Variants in PTP4A1 observed in about 807,000 individuals in gnomAD.
The protein encoded by PTP4A1 is protein tyrosine phosphatase 4A1.
In PTP4A1, 9 loss-of-function variants were observed where a neutral mutation model predicts 20.5. The observed-to-expected ratio is 0.44, with a 90% CI of 0.26 to 0.77. The LOEUF is 0.77. PTP4A1 is among the 30% of genes least tolerant of loss of function. PTP4A1 has a pLI of 0.19. For missense variants in PTP4A1, 137 were observed against 218.8 expected (o/e 0.63, Z 2.36); for synonymous variants, 78 against 67.4 (o/e 1.16, Z -0.77).
upstream of PTP4A1, among the ~76,000 whole-genome samples, chr6:63,569,308 T>C (rs1483185921): frequency 6.6e-6 from 1 of 152,204 alleles, no homozygotes; most frequent in Non-Finnish European, 1.5e-5. Flanking sequence ...CAGGCTAGAG[T>C]GCAGTGCCAT....
At chr6:63,568,450 G>C (rs1777279941), upstream of PTP4A1, among the ~76,000 whole-genome samples, 2 of 152,172 alleles carry the variant, frequency 1.3e-5, no homozygotes, top group South Asian at 4.1e-4. Context: ...AATGGGTACA[G>C]TTTGTGGTGG....
At position 63,582,539 on chromosome 6, in the gene PTP4A1, A is replaced by C. The variant is rs1778303956; in HGVS notation, c.*2365A>C. ...AATACATCTTAGATTCCTTATATCT[A>C]ATAAGAGTTCAAAGAGTTATGAGTT... On this transcript the variant is annotated 3_prime_UTR_variant, in exon 6 of 6. Coordinates refer to ENST00000626021, the MANE Select transcript of PTP4A1 (RefSeq NM_003463.5). 1 of 152,614 alleles carries C rather than the reference A, an allele frequency of 6.6e-6. No homozygotes were observed. Among genetic ancestry groups the C allele is most frequent in the South Asian group, 2.1e-4 (1 of 4,832 alleles). 9.5% of individuals were successfully genotyped at this position (152,614 alleles called of 1,614,324 possible).
chr6:63,572,338 G>T (rs1777485642), upstream of PTP4A1: 1 of 263,814 alleles, frequency 3.8e-6, no homozygotes, highest in Non-Finnish European at 7.1e-6. Flanking sequence ...CACCGGCGGC[G>T]GCCGCCGCGG....
In PTP4A1 at chr6:63,567,475, T is replaced by G. The variant is rs555796731; in HGVS notation, c.-445-8961T>G. On this transcript the variant is annotated intron_variant, in intron 3 of 3. Transcript: ENST00000639568. ...AGGAGCAATAGTATTTTTAAATAAA[T>G]CACGTTTTATCAGTAGGTCTCAACA... Among the ~76,000 whole-genome samples, 3 of 152,336 alleles carry G rather than the reference T, an allele frequency of 2.0e-5. No individual in the cohort carries two copies. In the South Asian group the frequency reaches 6.2e-4, roughly 32 times the overall value.
At chr6:63,567,217 G>T (rs897773447) in intron 3 of PTP4A1, among the ~76,000 whole-genome samples, 11 of 152,146 alleles carry the variant, frequency 7.2e-5, no homozygotes, top group Admixed American at 5.2e-4. Flanking sequence ...ATGGCATCTA[G>T]AATCCTTTCC....
upstream of PTP4A1, among the ~76,000 whole-genome samples, chr6:63,569,116 G>C (rs1777305927): frequency 6.6e-6 from 1 of 152,096 alleles, no homozygotes; most frequent in African/African-American, 2.4e-5. Context: ...CACTCCTTTT[G>C]TAAACTTGGT....
At chr6:63,569,019 G>T (rs1777302306), upstream of PTP4A1, among the ~76,000 whole-genome samples, 1 of 152,088 alleles carries the variant, frequency 6.6e-6, no homozygotes. Flanking sequence ...TTATGGCAAT[G>T]ATATTACTCT....
chr6:63,554,050 G>A (rs1157673316), intron 3 of PTP4A1, among the ~76,000 whole-genome samples: 5 of 152,154 alleles, frequency 3.3e-5, no homozygotes, highest in Non-Finnish European at 5.9e-5. Flanking sequence ...CTGAGGAGGG[G>A]AGGAGTAATT....
chr6:63,533,832 TTTAATTAATTAA>T (rs112434008), intron 2 of PTP4A1, among the ~76,000 whole-genome samples: 3 of 149,768 alleles, frequency 2.0e-5, no homozygotes, highest in African/African-American at 7.4e-5. Flanking sequence ...AACAAACTTT[TTTAATTAATTAA>T]TTAATTAATT....
chr6:63,575,434 C>T (rs1382107425), intron 1 of PTP4A1, among the ~76,000 whole-genome samples: 1 of 152,094 alleles, frequency 6.6e-6, no homozygotes, highest in Non-Finnish European at 1.5e-5. Flanking sequence ...TAAAAATATG[C>T]TGTGACTATT....
At chr6:63,517,651 C>T (rs1156791005), upstream of PTP4A1, among the ~76,000 whole-genome samples, 1 of 152,032 alleles carries the variant, frequency 6.6e-6, no homozygotes, top group Non-Finnish European at 1.5e-5. Flanking sequence ...CACACACAAT[C>T]ACATACACAC....
intron 2 of PTP4A1, among the ~76,000 whole-genome samples, chr6:63,529,167 A>G (rs1419082526): frequency 2.0e-5 from 3 of 147,202 alleles, no homozygotes; most frequent in South Asian, 2.1e-4. Flanking sequence ...ATGTGTGTAT[A>G]TATATATATG....
rs779158732 is a variant in PTP4A1, at chr6:63,576,857, T to C, written c.-24T>C. ...TTTTTTAATTATTTCATAACCCTATTGAGTGTTTTTTAACTAAATTAACAT... is the reference window on the plus strand; with the variant it reads ...TTTTTTAATTATTTCATAACCCTATCGAGTGTTTTTTAACTAAATTAACAT... On this transcript the variant is annotated 5_prime_UTR_variant, in exon 2 of 6. Transcript: ENST00000626021. 2 of 1,574,824 alleles carry C rather than the reference T, an allele frequency of 1.3e-6. No individual in the cohort carries two copies. The highest frequency in any genetic ancestry group is 3.4e-5 in the Admixed American group (2 of 58,220).
intron 3 of PTP4A1, among the ~76,000 whole-genome samples, chr6:63,554,162 C>T (rs1776568487): frequency 6.6e-6 from 1 of 152,190 alleles, no homozygotes; most frequent in Admixed American, 6.5e-5. Context: ...AAAGACTTTA[C>T]AATCCTCACC....
At chr6:63,579,090 T>G (rs1177264959) in intron 4 of PTP4A1, 62 bp downstream of exon 4, 2 of 1,466,046 alleles carry the variant, frequency 1.4e-6, no homozygotes, top group Non-Finnish European at 1.8e-6. Context: ...ATACAGAAAC[T>G]TGAAAAATTC....
intron 2 of PTP4A1, among the ~76,000 whole-genome samples, chr6:63,543,382 AATAGTC>A (rs1776060656): frequency 6.6e-6 from 1 of 152,226 alleles, no homozygotes; most frequent in Non-Finnish European, 1.5e-5. Context: ...CAAAAGTTGC[AATAGTC>A]ATATTGAAAT....
chr6:63,526,247 C>A (rs373715292), intron 1 of PTP4A1, among the ~76,000 whole-genome samples: 1 of 152,090 alleles, frequency 6.6e-6, no homozygotes, highest in East Asian at 1.9e-4. Flanking sequence ...ATCACTTGAA[C>A]CAGGGAGGCG....
At position 63,572,501 on chromosome 6, in the gene PTP4A1, C is replaced by T. The variant is rs570981614; in HGVS notation, c.-664C>T. 3.3e-5 allele frequency: 13 copies of T among 390,480 alleles called. No homozygotes were observed. Among genetic ancestry groups the T allele is most frequent in the African/African-American group, 1.7e-4 (8 of 48,292 alleles). The allele number at this position is 390,480 out of a possible 1,614,324, so 24.2% of individuals were successfully genotyped here. A position where few individuals can be genotyped will look rare whatever the true frequency, so the allele number is the denominator to read the frequency against. ...GGGCGCCTCGGCGCGTGTATTGGCT[C>T]CTTCGGCTGCGGGCCGGCTCGGCTA... On this transcript the variant is annotated 5_prime_UTR_variant, in exon 1 of 6. Transcript: ENST00000626021.
Position 63,580,158 on chromosome 6 carries a change from A to G in PTP4A1, c.506A>G (p.Asn169Ser), listed in dbSNP as rs1778133770. Reference sequence around the variant, plus strand: ...AAAGATTCCAACGGTCATAGAAACAACTGTTGCATTCAATAAAATTGGGGT... The same window carrying G: ...AAAGATTCCAACGGTCATAGAAACAGCTGTTGCATTCAATAAAATTGGGGT... ...RFKDSNGHRN[N>S]CCIQ is the part of the protein sequence containing the mutation. The change falls in exon 6 of 6, where the codon AAC becomes AGC. Residue 169 changes from asparagine (N) to serine (S), a missense_variant. Coordinates refer to ENST00000626021, the MANE Select transcript of PTP4A1 (RefSeq NM_003463.5). 3 of 1,611,290 alleles carry G rather than the reference A, an allele frequency of 1.9e-6. No individual in the cohort carries two copies. Among genetic ancestry groups the G allele is most frequent in the Admixed American group, 1.7e-5 (1 of 59,982 alleles).
Sources: gnomAD v4.1 joint callset for allele counts (sites outside exome capture counted in the v4.1 genomes callset) on GRCh38, gnomAD v4.1.1 for gene constraint, MANE v1.5 for transcripts, NCBI Gene and HGNC (gene_info 2026-07-23, HGNC 2026-07-21) for gene names.